Variants in MAP3K2 observed in about 807,000 individuals in gnomAD.
The protein encoded by MAP3K2 is mitogen-activated protein kinase kinase kinase 2.
A neutral mutation model predicts 80.3 loss-of-function variants in MAP3K2; 24 were observed. The observed-to-expected ratio is 0.30, with a 90% CI of 0.22 to 0.42. MAP3K2 has a LOEUF of 0.42. MAP3K2 is among the 10% of genes least tolerant of loss of function. The pLI, the probability that MAP3K2 is intolerant of heterozygous loss-of-function variation, is 1.00. For missense variants in MAP3K2, 608 were observed against 750.1 expected, an observed-to-expected ratio of 0.81 and a Z score of 2.21; for synonymous variants, 244 against 253.7, an observed-to-expected ratio of 0.96 and a Z score of 0.36.
At chr2:127,341,347 A>G (rs1272951520) in intron 2 of MAP3K2, among the ~76,000 whole-genome samples, 1 of 151,994 alleles carries the variant, frequency 6.6e-6, no homozygotes, top group Non-Finnish European at 1.5e-5. Flanking sequence ...TTTCTGTTAT[A>G]TATGTAAAAA....
chr2:127,301,052 T>TGTTCTCAACTGCATTAAGGG lies in MAP3K2; in HGVS notation c.*6507_*6526dup, dbSNP rs1685581925. 6.6e-6 allele frequency: 1 copy of TGTTCTCAACTGCATTAAGGG among 152,248 alleles called. No homozygotes were observed. The highest frequency in any genetic ancestry group is 2.1e-4 in the South Asian group (1 of 4,834). 9.4% of individuals were successfully genotyped at this position (152,248 alleles called of 1,614,324 possible). On this transcript the variant is annotated 3_prime_UTR_variant, in exon 17 of 17. Transcript: ENST00000682094. ...TTTTCGGTATGGTCATGAACTTTACTGTTCTCAACTGCATTAAGGGATTCT... is the reference window on the plus strand; with the variant it reads ...TTTTCGGTATGGTCATGAACTTTACTGTTCTCAACTGCATTAAGGGGTTCTCAACTGCATTAAGGGATTCT...
intron 7 of MAP3K2, among the ~76,000 whole-genome samples, chr2:127,328,895 G>A (rs1326862141): frequency 1.3e-5 from 2 of 151,626 alleles, no homozygotes; most frequent in African/African-American, 4.9e-5. Context: ...TTTTAAATCC[G>A]CCCCTCATAC....
intron 14 of MAP3K2, chr2:127,316,929 C>G (rs143982102): frequency 3.9e-5 from 6 of 152,210 alleles, no homozygotes; most frequent in African/African-American, 1.4e-4. Flanking sequence ...AAGATTAGCA[C>G]GGCCCCTGTG....
intron 1 of MAP3K2, among the ~76,000 whole-genome samples, chr2:127,377,179 T>G (rs2104897314): frequency 6.6e-6 from 1 of 152,226 alleles, no homozygotes; most frequent in South Asian, 2.1e-4. Context: ...CTCTTAGAGA[T>G]CAGAAAAATG....
upstream of MAP3K2, chr2:127,388,240 A>C (rs1015699005): frequency 2.4e-5 from 21 of 862,888 alleles, no homozygotes; most frequent in Admixed American, 4.8e-4. Context: ...TGCGCGGCGC[A>C]TACGCACCTG....
chr2:127,339,121 A>G lies in MAP3K2; in HGVS notation c.5-71T>C. ...ATATATATCAACATGTATAGACATC[A>G]AACACAAAATTTAAAATAAAATTTG... On this transcript the variant is annotated intron_variant, in intron 2 of 16. Transcript: ENST00000682094. This position sits in a 1 kb window ranked among gnomAD's most constrained non-coding sequence, Gnocchi z 4.2. 1 of 884,122 alleles carries G rather than the reference A, an allele frequency of 1.1e-6. No individual in the cohort carries two copies. Among genetic ancestry groups the G allele is most frequent in the Non-Finnish European group, 1.8e-6 (1 of 570,154 alleles). The allele number at this position is 884,122 out of a possible 1,614,324, so 54.8% of individuals were successfully genotyped here.
intron 1 of MAP3K2, among the ~76,000 whole-genome samples, chr2:127,366,100 G>T (rs147970524): frequency 6.4e-4 from 98 of 152,224 alleles, no homozygotes; most frequent in African/African-American, 2.3e-3. Context: ...TTGCTTCCAA[G>T]GAACAAGTAA....
intron 1 of MAP3K2, among the ~76,000 whole-genome samples, chr2:127,352,845 C>T (rs1355751879): frequency 2.6e-5 from 4 of 152,082 alleles, no homozygotes; most frequent in African/African-American, 9.7e-5. Flanking sequence ...ATTGCAGGTG[C>T]GCGCCGCCAT....
chr2:127,337,215 T>G (rs899666021), intron 4 of MAP3K2, among the ~76,000 whole-genome samples: 3 of 152,088 alleles, frequency 2.0e-5, no homozygotes, highest in African/African-American at 7.2e-5. Context: ...TACCACCCTA[T>G]CATTTGTGCA....
intron 1 of MAP3K2, among the ~76,000 whole-genome samples, chr2:127,363,514 T>G (rs1431387193): frequency 1.3e-5 from 2 of 152,102 alleles, no homozygotes; most frequent in Non-Finnish European, 2.9e-5. Flanking sequence ...CCCAATGATA[T>G]CAAACACAGT....
chr2:127,343,017 A>G (rs922985133), intron 2 of MAP3K2, 109 bp downstream of exon 2: 2 of 786,956 alleles, frequency 2.5e-6, no homozygotes, highest in Non-Finnish European at 4.1e-6. Flanking sequence ...CTGCTATATC[A>G]TAAAATTTAT....
chr2:127,302,451 AC>A lies in MAP3K2; in HGVS notation c.*5127del, dbSNP rs1476869475. On this transcript the variant is annotated 3_prime_UTR_variant, in exon 17 of 17. Transcript: ENST00000682094. ...TGCCTCCAACTCTAACCACACACAC[AC>A]ACACACACACATGCATGCAAACGCA... 1 of 150,598 alleles carries A rather than the reference AC, an allele frequency of 6.6e-6. No individual in the cohort carries two copies. Among genetic ancestry groups the A allele is most frequent in the Non-Finnish European group, 1.5e-5 (1 of 67,730 alleles). 9.3% of individuals were successfully genotyped at this position (150,598 alleles called of 1,614,324 possible). A position where few individuals can be genotyped will look rare whatever the true frequency, so the allele number is the denominator to read the frequency against.
rs539396089 is a variant in MAP3K2, at chr2:127,301,677, T to A, written c.*5902A>T. ...ATGCCTTTGCTGTTATTAACAAAAA[T>A]ACCATATGACTATCAATTAAAATGC... On this transcript the variant is annotated 3_prime_UTR_variant, in exon 17 of 17. Transcript: ENST00000682094. 7.9e-5 allele frequency: 12 copies of A among 152,298 alleles called. No individual in the cohort carries two copies. Among genetic ancestry groups the A allele is most frequent in the African/African-American group, 2.9e-4 (12 of 41,576 alleles). 9.4% of individuals were successfully genotyped at this position (152,298 alleles called of 1,614,324 possible).
At chr2:127,384,235 T>TATATATATATATATATATATATATA (rs1558993419) in intron 1 of MAP3K2, among the ~76,000 whole-genome samples, 1 of 147,354 alleles carries the variant, frequency 6.8e-6, no homozygotes, top group African/African-American at 2.5e-5. Context: ...TATATATATA[T>TATATATATATATATATATATATATA]TGCTTTTTTA....
intron 1 of MAP3K2, among the ~76,000 whole-genome samples, chr2:127,386,961 C>T (rs1687362891): frequency 1.3e-5 from 2 of 152,130 alleles, no homozygotes; most frequent in African/African-American, 4.8e-5. Flanking sequence ...GGGCAATTTA[C>T]CCACCTCATT....
intron 1 of MAP3K2, among the ~76,000 whole-genome samples, chr2:127,346,409 T>TAAAAAAAAAAAAAAAAAAAAAAAAAA (rs1223353072): frequency 1.2e-5 from 1 of 85,308 alleles, no homozygotes; most frequent in African/African-American, 4.1e-5. Context: ...AAAACTGGTT[T>TAAAAAAAAAAAAAAAAAAAAAAAAAA]TAAAAAAAAA....
chr2:127,324,307 GAGCAAT>G (rs1400802764), intron 9 of MAP3K2, 66 bp from the exon 10 acceptor site: 2 of 945,706 alleles, frequency 2.1e-6, no homozygotes, highest in African/African-American at 3.3e-5. Context: ...GAAAATCTTT[GAGCAAT>G]ATCTATATCT....
intron 12 of MAP3K2, among the ~76,000 whole-genome samples, chr2:127,318,534 A>G (rs1437713643): frequency 6.6e-6 from 1 of 152,186 alleles, no homozygotes; most frequent in Non-Finnish European, 1.5e-5. Flanking sequence ...TCATATCCCA[A>G]GACTCATTTT....
intron 3 of MAP3K2, among the ~76,000 whole-genome samples, chr2:127,338,042 T>C (rs939981588): frequency 6.6e-6 from 1 of 152,172 alleles, no homozygotes; most frequent in African/African-American, 2.4e-5. Context: ...ATGAGACATT[T>C]GCTGATCCTG....
Sources: gnomAD v4.1 joint callset for allele counts (sites outside exome capture counted in the v4.1 genomes callset) on GRCh38, gnomAD v4.1.1 for gene constraint, Gnocchi (gnomAD v3.1) non-coding constraint, MANE v1.5 for transcripts, NCBI Gene and HGNC (gene_info 2026-07-23, HGNC 2026-07-21) for gene names.